LARP1B: variants seen among roughly 807,000 people sequenced by gnomAD.
The protein encoded by LARP1B is la-related protein 1B.
Under a neutral mutation model 114.2 loss-of-function variants are expected in LARP1B, and 76 were observed. That is an observed-to-expected ratio of 0.67 (90% CI 0.55 to 0.81). The LOEUF is 0.81. LARP1B is among the 30% of genes least tolerant of loss of function. The probability of loss-of-function intolerance (pLI) is 0.00; values close to 1 mark genes in which losing one functional copy is unlikely to be tolerated. For synonymous variants in LARP1B, 345 were observed against 348.0 expected (o/e 0.99, Z 0.10); for missense variants, 1,014 against 1,075.8 (o/e 0.94, Z 0.80).
At chr4:128,108,663 T>C in intron 9 of LARP1B, 1 of 984,876 alleles carries the variant, frequency 1.0e-6, no homozygotes, top group Non-Finnish European at 1.2e-6. Context: ...TGGTTTTTAA[T>C]TTATTTTTTG....
chr4:128,176,855 ATT>A lies in LARP1B; in HGVS notation c.1649-16_1649-15del, dbSNP rs763978639. ...GCAGACACAGCACAAAAAGGGACTAATTAACTCTCTTGGCAGGAGGTGTTCAA... is the reference window on the plus strand; with the variant it reads ...GCAGACACAGCACAAAAAGGGACTAAAACTCTCTTGGCAGGAGGTGTTCAA... On this transcript the variant is annotated splice_polypyrimidine_tract_variant and intron_variant, in intron 12 of 19. Transcript: ENST00000326639. The A allele has an allele frequency of 4.2e-5, 68 of 1,612,848 alleles. No homozygotes were observed. The highest frequency in any genetic ancestry group is 5.7e-5 in the Non-Finnish European group (67 of 1,178,936).
At chr4:128,126,111 ATCTTTTTTTTTTT>A (rs778125169) in intron 11 of LARP1B, among the ~76,000 whole-genome samples, 1 of 127,832 alleles carries the variant, frequency 7.8e-6, no homozygotes, top group Admixed American at 9.5e-5. Context: ...CCTTAAAATA[ATCTTTTTTTTTTT>A]TTTTTTTTTT....
At chr4:128,212,671 A>AAAC (rs1454415317), downstream of LARP1B, among the ~76,000 whole-genome samples, 1 of 151,768 alleles carries the variant, frequency 6.6e-6, no homozygotes, top group Non-Finnish European at 1.5e-5. Flanking sequence ...ACAAAAACAA[A>AAAC]AAACAAACAA....
intron 11 of LARP1B, chr4:128,155,941 G>A: frequency 1.9e-5 from 29 of 1,526,736 alleles, no homozygotes; most frequent in Non-Finnish European, 2.6e-5. Flanking sequence ...GTACACAGGC[G>A]GTACCAGCGG....
intron 7 of LARP1B, among the ~76,000 whole-genome samples, chr4:128,094,261 A>T (rs893559981): frequency 6.6e-6 from 1 of 151,960 alleles, no homozygotes; most frequent in Non-Finnish European, 1.5e-5. Flanking sequence ...AACTTGTATT[A>T]ATTGTTTGTG....
intron 9 of LARP1B, chr4:128,107,734 A>C (rs1341321014): frequency 1.4e-6 from 2 of 1,470,300 alleles, no homozygotes; most frequent in African/African-American, 2.8e-5. Context: ...TGGAAAGATA[A>C]AATGACCTGC....
intron 6 of LARP1B, among the ~76,000 whole-genome samples, chr4:128,218,142 AGAG>A (rs1395047705): frequency 7.3e-5 from 9 of 123,528 alleles, no homozygotes; most frequent in Non-Finnish European, 1.5e-4. Context: ...AGGAAATAAA[AGAG>A]GACACAAAGA....
Position 128,162,321 on chromosome 4 carries a change from T to C in LARP1B, c.1648+4T>C. 1.2e-6 allele frequency: 2 copies of C among 1,609,976 alleles called. No individual in the cohort carries two copies. Among genetic ancestry groups the C allele is most frequent in the Non-Finnish European group, 1.7e-6 (2 of 1,178,120 alleles). ...GCACCTTCACAGTCCAGGCAAGGTA[T>C]GTAAATCTGCTTTTGTGTAAGTGTC... On this transcript the variant is annotated splice_donor_region_variant and intron_variant, in intron 12 of 19. Coordinates refer to ENST00000326639, the MANE Select transcript of LARP1B (RefSeq NM_018078.4).
At chr4:128,206,331 T>G in intron 17 of LARP1B, 97 bp from the exon 18 acceptor site, 1 of 642,774 alleles carries the variant, frequency 1.6e-6, no homozygotes. Flanking sequence ...AATTTTATTT[T>G]TTGTTTAGGA....
chr4:128,106,030 C>CA (rs1386299642), intron 8 of LARP1B, among the ~76,000 whole-genome samples: 2 of 146,174 alleles, frequency 1.4e-5, no homozygotes, highest in East Asian at 2.0e-4. Context: ...GGATAATGTT[C>CA]TTTTTTTTTT....
Position 128,091,067 on chromosome 4 carries a change from G to A in LARP1B, c.425G>A (p.Gly142Asp). The change falls in exon 6 of 20, where the codon GGT (glycine) becomes GAT (aspartate). Residue 142 changes from glycine (G) to aspartate (D), a missense_variant. Gly to Asp is a moderately conservative substitution (Grantham distance 94). Coordinates refer to ENST00000326639, the MANE Select transcript of LARP1B (RefSeq NM_018078.4). ...GTTTCCAGTGTGAGAAGTGAGGGTG[G>A]TAATATCCGAGGTTCCTTTAGAGGT... The part of the protein sequence containing the change: ...DDVSSVRSEG[G>D]NIRGSFRGRG... The A allele has an allele frequency of 6.2e-7, 1 of 1,613,884 alleles. No individual in the cohort carries two copies. The highest frequency in any genetic ancestry group is 8.5e-7 in the Non-Finnish European group (1 of 1,179,834).
At chr4:128,195,967 C>T (rs1245851919) in intron 15 of LARP1B, among the ~76,000 whole-genome samples, 1 of 151,884 alleles carries the variant, frequency 6.6e-6, no homozygotes, top group East Asian at 1.9e-4. Flanking sequence ...TATGAGAATA[C>T]TGTGGGCTGG....
chr4:128,066,165 CTTTTTTTTTT>C (rs59927866), intron 1 of LARP1B, among the ~76,000 whole-genome samples: 7 of 99,188 alleles, frequency 7.1e-5, no homozygotes, highest in African/African-American at 1.5e-4. Flanking sequence ...TTTCTTTCTT[CTTTTTTTTTT>C]TTTTTTTTTT....
chr4:128,137,153 C>T (rs555865166), intron 11 of LARP1B, among the ~76,000 whole-genome samples: 2 of 152,140 alleles, frequency 1.3e-5, no homozygotes. Context: ...ATTAAAAAAA[C>T]TCCCCCGACA....
intron 5 of LARP1B, among the ~76,000 whole-genome samples, chr4:128,087,019 G>T (rs1480941509): frequency 6.6e-6 from 1 of 151,972 alleles, no homozygotes; most frequent in Non-Finnish European, 1.5e-5. Flanking sequence ...TATTGCCCAG[G>T]CTGGGTTCTC....
chr4:128,198,177 C>T (rs571994323), intron 15 of LARP1B, among the ~76,000 whole-genome samples: 99 of 152,224 alleles, frequency 6.5e-4, no homozygotes, highest in Middle Eastern at 6.8e-3. Context: ...GAACCCACCA[C>T]ACCCAGCCCC....
chr4:128,195,996 G>A (rs914867055), intron 15 of LARP1B, among the ~76,000 whole-genome samples: 5 of 152,274 alleles, frequency 3.3e-5, no homozygotes, highest in African/African-American at 1.2e-4. Flanking sequence ...GCTCATGCCT[G>A]TAATCCCAGC....
chr4:128,075,492 C>T (rs1026480584), intron 3 of LARP1B, among the ~76,000 whole-genome samples: 2 of 151,646 alleles, frequency 1.3e-5, no homozygotes, highest in African/African-American at 4.8e-5. Flanking sequence ...AACTTGTTGT[C>T]TTAAGCTTTA....
At chr4:128,123,605 T>A (rs543307964) in intron 11 of LARP1B, 1 of 432,498 alleles carries the variant, frequency 2.3e-6, no homozygotes, top group Admixed American at 6.4e-5. Context: ...TTTCTATTTG[T>A]TCATTACTAT....
Sources: gnomAD v4.1 joint callset for allele counts (sites outside exome capture counted in the v4.1 genomes callset) on GRCh38, gnomAD v4.1.1 for gene constraint, MANE v1.5 for transcripts, NCBI Gene and HGNC (gene_info 2026-07-23, HGNC 2026-07-21) for gene names.